The following MPPED2 variants were observed in gnomAD, a reference collection of about 807,000 sequenced individuals.
MPPED2 encodes the protein metallophosphoesterase MPPED2.
Under a neutral mutation model 33.0 loss-of-function variants are expected in MPPED2, and 5 were observed. The ratio of observed to expected loss-of-function variants is 0.15; its 90% CI spans 0.08 to 0.32. The LOEUF (loss-of-function observed/expected upper bound fraction) is 0.32. Ranked by LOEUF, MPPED2 falls within the 10% of genes least tolerant of loss-of-function variation. The pLI, the probability that MPPED2 is intolerant of heterozygous loss-of-function variation, is 1.00. For missense variants in MPPED2, 275 were observed against 372.1 expected (o/e 0.74, Z 2.15); for synonymous variants, 136 against 141.9 (o/e 0.96, Z 0.29).
intron 2 of MPPED2, among the ~76,000 whole-genome samples, chr11:30,559,807 A>G (rs1202571218): frequency 1.3e-5 from 2 of 152,236 alleles, no homozygotes; most frequent in Admixed American, 1.3e-4. Context: ...TTGGTATATC[A>G]TTATGACTGG....
At chr11:30,545,133 G>C (rs751081724) in intron 2 of MPPED2, among the ~76,000 whole-genome samples, 11 of 152,142 alleles carry the variant, frequency 7.2e-5, no homozygotes, top group African/African-American at 1.2e-4. Context: ...AACCTGGAGG[G>C]CATGGAAAAC....
At chr11:30,531,094 C>T (rs971071615) in intron 3 of MPPED2, among the ~76,000 whole-genome samples, 1 of 152,178 alleles carries the variant, frequency 6.6e-6, no homozygotes, top group African/African-American at 2.4e-5. Flanking sequence ...CCCAGTTCAA[C>T]TCACCAAAGC....
At chr11:30,407,638 G>A (rs603064), downstream of MPPED2, among the ~76,000 whole-genome samples, 52,043 of 152,036 alleles carry the variant, frequency 0.34, 9,211 homozygotes, top group Non-Finnish European at 0.38. Context: ...TTGGGAGGCC[G>A]AGGCAGGCGG....
At chr11:30,493,035 C>T (rs1263317212) in intron 4 of MPPED2, among the ~76,000 whole-genome samples, 3 of 152,118 alleles carry the variant, frequency 2.0e-5, no homozygotes, top group Non-Finnish European at 4.4e-5. Flanking sequence ...AAATCATTGT[C>T]GGGGTTGATT....
intron 2 of MPPED2, among the ~76,000 whole-genome samples, chr11:30,552,547 A>G (rs1324090249): frequency 2.0e-5 from 3 of 152,194 alleles, no homozygotes; most frequent in Non-Finnish European, 2.9e-5. Context: ...ATCATTCTGC[A>G]TGCAAAATGT....
chr11:30,512,132 C>G (rs1322995580), intron 3 of MPPED2, among the ~76,000 whole-genome samples: 1 of 152,148 alleles, frequency 6.6e-6, no homozygotes, highest in Non-Finnish European at 1.5e-5. Context: ...TAACGGTGTC[C>G]TATGAGAACT....
chr11:30,540,588 T>C (rs149321579), intron 2 of MPPED2, among the ~76,000 whole-genome samples: 2 of 152,320 alleles, frequency 1.3e-5, no homozygotes, highest in African/African-American at 4.8e-5. Context: ...TTAACTTCTA[T>C]GACCTCCATC....
At chr11:30,493,761 C>T (rs915167456) in intron 4 of MPPED2, among the ~76,000 whole-genome samples, 1 of 152,126 alleles carries the variant, frequency 6.6e-6, no homozygotes, top group African/African-American at 2.4e-5. Context: ...ATAATTCATA[C>T]CCTAAGCAAA....
At chr11:30,582,594 A>T (rs1391026176) in intron 1 of MPPED2, among the ~76,000 whole-genome samples, 1 of 152,234 alleles carries the variant, frequency 6.6e-6, no homozygotes, top group African/African-American at 2.4e-5. Context: ...GTGGCCTAGA[A>T]ATAAAATATA....
At position 30,430,678 on chromosome 11, in the gene MPPED2, TGGGA is replaced by T. The variant is rs1448388585; in HGVS notation, c.537-13049_537-13046del. Reference sequence around the variant, plus strand: ...AGTGTAATTCGTAACAACAAAATATTGGGAACAATTATTTCTAAATTCTGCAGAA... The same window carrying T: ...AGTGTAATTCGTAACAACAAAATATTACAATTATTTCTAAATTCTGCAGAA... On this transcript the variant is annotated intron_variant, in intron 4 of 6. Coordinates refer to ENST00000358117, the MANE Select transcript of MPPED2 (RefSeq NM_001584.3). Among the ~76,000 whole-genome samples, 6 of 152,204 alleles carry T rather than the reference TGGGA, an allele frequency of 3.9e-5. No homozygotes were observed. In the East Asian group the frequency reaches 1.2e-3, roughly 29 times the overall value.
intron 2 of MPPED2, among the ~76,000 whole-genome samples, chr11:30,547,432 C>G (rs1590807670): frequency 6.6e-6 from 1 of 152,152 alleles, no homozygotes; most frequent in East Asian, 1.9e-4. Flanking sequence ...TACCTTTAAT[C>G]TTCTCAAAAT....
At chr11:30,557,570 A>G (rs1956035277) in intron 2 of MPPED2, among the ~76,000 whole-genome samples, 1 of 152,142 alleles carries the variant, frequency 6.6e-6, no homozygotes, top group South Asian at 2.1e-4. Context: ...TATGATTGTT[A>G]GTTTCCTTTT....
At chr11:30,407,929 A>T (rs1388984370), downstream of MPPED2, among the ~76,000 whole-genome samples, 2 of 152,170 alleles carry the variant, frequency 1.3e-5, no homozygotes, top group East Asian at 1.9e-4. Context: ...ATATTTTTTT[A>T]AAAAGGTACA....
At chr11:30,429,343 A>G (rs1948979775) in intron 4 of MPPED2, 1 of 152,156 alleles carries the variant, frequency 6.6e-6, no homozygotes, top group African/African-American at 2.4e-5. Context: ...GGGAATTGGA[A>G]TAAGTGACAA....
chr11:30,580,123 C>T, intron 2 of MPPED2, 123 bp downstream of exon 2: 3 of 929,862 alleles, frequency 3.2e-6, no homozygotes, highest in Non-Finnish European at 4.9e-6. Context: ...CACAGATATC[C>T]ATCTGATTTG....
chr11:30,458,517 C>T (rs993670516), intron 4 of MPPED2, among the ~76,000 whole-genome samples: 1 of 152,176 alleles, frequency 6.6e-6, no homozygotes, highest in Non-Finnish European at 1.5e-5. Context: ...AACTCAGAAC[C>T]TGAATTAACT....
chr11:30,395,373 T>C (rs1363205163), intron 6 of MPPED2, among the ~76,000 whole-genome samples: 1 of 152,150 alleles, frequency 6.6e-6, no homozygotes, highest in Non-Finnish European at 1.5e-5. Flanking sequence ...CAAGCCTACT[T>C]AGTTAATATA....
At position 30,425,258 on chromosome 11, in the gene MPPED2, T is replaced by A. The variant is rs564648196; in HGVS notation, c.537-7625A>T. ...CAAACACACCCGCTGTGTCCCTTTTTTGTAACTAATAAAGAACAAGTGTCA... is the reference window on the plus strand; with the variant it reads ...CAAACACACCCGCTGTGTCCCTTTTATGTAACTAATAAAGAACAAGTGTCA... On this transcript the variant is annotated intron_variant, in intron 4 of 6. Transcript: ENST00000358117. 2.6e-5 allele frequency among the ~76,000 whole-genome samples: 4 copies of A among 152,244 alleles called. No individual in the cohort carries two copies. In the East Asian group the frequency reaches 7.7e-4, roughly 29 times the overall value.
chr11:30,455,663 G>T (rs938563266), intron 4 of MPPED2, among the ~76,000 whole-genome samples: 2 of 152,174 alleles, frequency 1.3e-5, no homozygotes, highest in Non-Finnish European at 2.9e-5. Context: ...TAGGCAACCA[G>T]AATTCATGCC....
Sources: gnomAD v4.1 joint callset for allele counts (sites outside exome capture counted in the v4.1 genomes callset) on GRCh38, gnomAD v4.1.1 for gene constraint, MANE v1.5 for transcripts, NCBI Gene and HGNC (gene_info 2026-07-23, HGNC 2026-07-21) for gene names.